ANKFY1: variants seen among roughly 807,000 people sequenced by gnomAD.
ANKFY1 encodes the protein ankyrin repeat and FYVE domain-containing protein 1.
In ANKFY1, 47 loss-of-function variants were observed where a neutral mutation model predicts 128.3. The observed-to-expected ratio is 0.37, with a 90% confidence interval of 0.29 to 0.47. ANKFY1 has a LOEUF of 0.47. Among genes scored for constraint, ANKFY1 ranks in the 20% least tolerant of loss-of-function variants. The probability of loss-of-function intolerance (pLI) is 1.00; values close to 1 mark genes in which losing one functional copy is unlikely to be tolerated. For missense variants in ANKFY1, 1,222 were observed against 1,510.6 expected, an observed-to-expected ratio of 0.81 and a Z score of 3.17; for synonymous variants, 553 against 601.6, an observed-to-expected ratio of 0.92 and a Z score of 1.18.
At chr17:4,222,668 A>G (rs773754704) in intron 3 of ANKFY1, 41 of 888,618 alleles carry the variant, frequency 4.6e-5, no homozygotes, top group Non-Finnish European at 7.8e-5. Context: ...TGCACCAAAA[A>G]TGGCCCTGAC....
rs765578166 is a variant in ANKFY1, at chr17:4,195,028, G to A, written c.1322C>T (p.Ala441Val). 4 of 1,614,154 alleles carry A rather than the reference G, an allele frequency of 2.5e-6. No individual in the cohort carries two copies. In the East Asian group the frequency reaches 8.9e-5, roughly 36 times the overall value. Residue 441 changes from alanine to valine, a missense_variant, in exon 10 of 25, where the codon GCC (alanine) becomes GTC (valine). Coordinates refer to ENST00000341657, the MANE Select transcript of ANKFY1 (RefSeq NM_001330063.2). ...GTSFDENSFA[A>V]RLIQRGSHTD... is the part of the protein sequence containing the mutation. Reference sequence around the variant, plus strand: ...GTGGCTGCCGCGCTGGATGAGTCTGGCTGCAAAGCTGTTCTCATCAAATGA... The same window carrying A: ...GTGGCTGCCGCGCTGGATGAGTCTGACTGCAAAGCTGTTCTCATCAAATGA...
chr17:4,231,415 G>A (rs1351227617), intron 3 of ANKFY1, among the ~76,000 whole-genome samples: 3 of 152,080 alleles, frequency 2.0e-5, no homozygotes, highest in Non-Finnish European at 4.4e-5. Flanking sequence ...CTTGAGCCCA[G>A]GAGTTCAAGG....
rs761600124 is a variant in ANKFY1 at position 4,204,830 on chromosome 17, C to T, written c.898+1491G>A. On this transcript the variant is annotated intron_variant, in intron 7 of 24. Transcript: ENST00000341657. ...TGAATCACACTCAGTGCTAAGCACC[C>T]GCTGGCTTTGCACAGCACATAACGG... 9.9e-5 allele frequency among the ~76,000 whole-genome samples: 15 copies of T among 152,210 alleles called. 1 individual carries two copies. Among genetic ancestry groups the T allele is most frequent in the South Asian group, 2.1e-4 (1 of 4,820 alleles).
intron 1 of ANKFY1, 120 bp downstream of exon 1, chr17:4,263,812 G>C: frequency 6.2e-7 from 1 of 1,606,956 alleles, no homozygotes; most frequent in Non-Finnish European, 8.5e-7. Context: ...GAAGGCTCGC[G>C]AGACCCGCGG....
At chr17:4,263,601 C>T (rs1378826994) in intron 1 of ANKFY1, 1 of 1,534,936 alleles carries the variant, frequency 6.5e-7, no homozygotes, top group Admixed American at 2.0e-5. Flanking sequence ...TTACTTCCCC[C>T]GGCGTCCCGG....
chr17:4,173,326 G>A (rs369279787), intron 21 of ANKFY1, 28 bp downstream of exon 21: 12 of 1,604,454 alleles, frequency 7.5e-6, no homozygotes, highest in African/African-American at 5.4e-5. Flanking sequence ...CAGGCGCCGC[G>A]GGGCCTACTC....
intron 1 of ANKFY1, among the ~76,000 whole-genome samples, chr17:4,244,217 T>C (rs1394869324): frequency 6.6e-6 from 1 of 152,158 alleles, no homozygotes; most frequent in Non-Finnish European, 1.5e-5. Flanking sequence ...AGGCATGAGC[T>C]ACCATGCCCA....
intron 10 of ANKFY1, among the ~76,000 whole-genome samples, chr17:4,191,030 C>T (rs1445028281): frequency 1.3e-5 from 2 of 152,182 alleles, no homozygotes; most frequent in Non-Finnish European, 2.9e-5. Flanking sequence ...CTCAGCTACT[C>T]AGGAGGCTGA....
chr17:4,248,683 C>T (rs976786006), intron 1 of ANKFY1, among the ~76,000 whole-genome samples: 2 of 152,098 alleles, frequency 1.3e-5, no homozygotes, highest in Non-Finnish European at 2.9e-5. Context: ...TTTAATTAGC[C>T]GGGCATGGTG....
Position 4,209,920 on chromosome 17 carries a change from C to T in ANKFY1, c.486G>A (p.Val162=). The T allele has an allele frequency of 6.2e-7, 1 of 1,613,724 alleles. No individual in the cohort carries two copies. Residue 162 remains valine (V), a synonymous_variant, in exon 5 of 25, where the codon GTG becomes GTA. Coordinates refer to ENST00000341657, the MANE Select transcript of ANKFY1 (RefSeq NM_001330063.2). The part of the protein sequence containing the change: ...ERCEKGVMSL[V]NVRNCIRFYQ... ...AGAAGCGAATACAGTTCCTGACATT[C>T]ACTAGAGACATAACACCCTTCTCAC...
intron 3 of ANKFY1, among the ~76,000 whole-genome samples, chr17:4,220,736 G>A (rs2060296907): frequency 6.6e-6 from 1 of 152,182 alleles, no homozygotes; most frequent in Non-Finnish European, 1.5e-5. Context: ...AGTGGTATAA[G>A]GGTAGGCAGA....
At chr17:4,243,362 A>G (rs1598138956) in intron 1 of ANKFY1, among the ~76,000 whole-genome samples, 1 of 149,310 alleles carries the variant, frequency 6.7e-6, no homozygotes, top group Non-Finnish European at 1.5e-5. Flanking sequence ...TACCGCGCCC[A>G]GCCTCTTTTT....
intron 10 of ANKFY1, among the ~76,000 whole-genome samples, chr17:4,194,099 A>ATT (rs1261498698): frequency 1.0e-5 from 1 of 97,014 alleles, no homozygotes; most frequent in African/African-American, 4.9e-5. Context: ...ATATATATAT[A>ATT]TATATTTTTT....
intron 7 of ANKFY1, among the ~76,000 whole-genome samples, chr17:4,199,751 C>A (rs2059893486): frequency 6.6e-6 from 1 of 152,144 alleles, no homozygotes; most frequent in South Asian, 2.1e-4. Flanking sequence ...TTCTGAAAAA[C>A]CAGTTAAAGT....
chr17:4,168,359 A>G (rs2059250036), intron 24 of ANKFY1, among the ~76,000 whole-genome samples: 1 of 152,178 alleles, frequency 6.6e-6, no homozygotes, highest in Admixed American at 6.5e-5. Context: ...AGGCTGAGGA[A>G]TAAGAATCGC....
chr17:4,256,788 C>T (rs1434272052), intron 1 of ANKFY1, among the ~76,000 whole-genome samples: 3 of 152,180 alleles, frequency 2.0e-5, no homozygotes, highest in African/African-American at 7.2e-5. Context: ...CAGTAGCTTG[C>T]ACCTACCGTG....
In ANKFY1 at chr17:4,173,889, A is replaced by G. The variant is rs755083677; in HGVS notation, c.2923+20T>C. 1.1e-5 allele frequency: 17 copies of G among 1,607,770 alleles called. No individual in the cohort carries two copies. Among genetic ancestry groups the G allele is most frequent in the Middle Eastern group, 3.3e-4 (2 of 6,052 alleles). On this transcript the variant is annotated intron_variant, in intron 20 of 24. Transcript: ENST00000341657. The stretch of plus-strand genomic sequence containing the variant: ...GAATGGAGGGATCGTTCAAGCCACT[A>G]AAGAATGACTGGGAGTTACCATTGT...
At chr17:4,174,183 G>C in intron 19 of ANKFY1, 127 bp from the exon 20 acceptor site, 1 of 1,117,374 alleles carries the variant, frequency 8.9e-7, no homozygotes, top group Non-Finnish European at 1.3e-6. Context: ...ACAGAGCTGG[G>C]AGCATAGGAG....
intron 9 of ANKFY1, 24 bp from the exon 10 acceptor site, chr17:4,195,201 C>G: frequency 6.3e-7 from 1 of 1,581,648 alleles, no homozygotes; most frequent in Non-Finnish European, 8.6e-7. Context: ...GCAGTGTCAA[C>G]AGCACATACA....
Sources: allele counts gnomAD v4.1 joint callset (sites outside exome capture counted in the v4.1 genomes callset), GRCh38; gene constraint gnomAD v4.1.1; transcripts MANE v1.5; gene names NCBI Gene and HGNC (gene_info 2026-07-23, HGNC 2026-07-21).